Variants in C8B observed in about 807,000 individuals in gnomAD.
The protein encoded by C8B is complement C8 beta chain.
C8B carries 67 observed loss-of-function variants against 64.6 expected under a neutral mutation model. That is an observed-to-expected ratio of 1.04 (90% CI 0.85 to 1.27). The LOEUF (loss-of-function observed/expected upper bound fraction) is 1.27, where lower values mean the gene tolerates loss of function less well. C8B is among the 50% of genes most tolerant of loss of function. C8B has a pLI of 0.00. For missense variants in C8B, 790 were observed against 725.2 expected (o/e 1.09, Z -1.03); for synonymous variants, 284 against 257.7 (o/e 1.10, Z -0.98).
chr1:56,948,158 A>G lies in C8B; in HGVS notation c.864+1397T>C, dbSNP rs200242783. Among the ~76,000 whole-genome samples, 4 of 152,250 alleles carry G rather than the reference A, an allele frequency of 2.6e-5. No homozygotes were observed. The East Asian group carries it at 7.8e-4, about 30-fold the overall frequency. ...CTGGAAGGGAGAGAAGGAGAGAAGG[A>G]AATGGGGAGGGAGTAAGCAATAGGA... On this transcript the variant is annotated intron_variant, in intron 6 of 11. Coordinates refer to ENST00000371237, the MANE Select transcript of C8B (RefSeq NM_000066.4).
chr1:56,929,463 G>T lies in C8B; in HGVS notation c.1717C>A (p.Pro573Thr). The T allele has an allele frequency of 3.1e-6, 5 of 1,613,052 alleles. No individual in the cohort carries two copies. Among genetic ancestry groups the T allele is most frequent in the Non-Finnish European group, 3.4e-6 (4 of 1,179,932 alleles). ...TRQRQCNNPP[P>T]QNGGSPCSGP... Reference sequence around the variant, plus strand: ...GAACAGGGGCTACCCCCATTTTGAGGAGGTGGATTGTTACACTGCCTTTGT... The same window carrying T: ...GAACAGGGGCTACCCCCATTTTGAGTAGGTGGATTGTTACACTGCCTTTGT... Residue 573 changes from proline (P) to threonine (T), a missense_variant, in exon 12 of 12, where the codon CCT becomes ACT. By Grantham distance (38) the Pro-to-Thr change is conservative (BLOSUM62 -1). Coordinates refer to ENST00000371237, the MANE Select transcript of C8B (RefSeq NM_000066.4).
chr1:56,936,718 C>A (rs1393242550), intron 9 of C8B, among the ~76,000 whole-genome samples: 1 of 151,966 alleles, frequency 6.6e-6, no homozygotes, highest in African/African-American at 2.4e-5. Context: ...CCTCAGCCTC[C>A]CGAGTAGCTG....
Position 56,960,493 on chromosome 1 carries a change from G to A in C8B, c.93-317C>T, listed in dbSNP as rs191714465. ...CATATCTGTGAGAAACATGCCTCAC[G>A]CCCTAGCTCTATGGGACTTTATCCA... On this transcript the variant is annotated intron_variant, in intron 1 of 11. Coordinates refer to ENST00000371237, the MANE Select transcript of C8B (RefSeq NM_000066.4). Among the ~76,000 whole-genome samples, 5 of 152,294 alleles carry A rather than the reference G, an allele frequency of 3.3e-5. No homozygotes were observed. In the South Asian group the frequency reaches 1.0e-3, roughly 32 times the overall value.
chr1:56,937,564 C>T lies in C8B; in HGVS notation c.1398+3285G>A, dbSNP rs368802530. Among the ~76,000 whole-genome samples, 4 of 152,276 alleles carry T rather than the reference C, an allele frequency of 2.6e-5. No individual in the cohort carries two copies. The East Asian group carries it at 5.8e-4, about 22-fold the overall frequency. On this transcript the variant is annotated intron_variant, in intron 9 of 11. Transcript: ENST00000371237. ...GCATAGGACCCAGCCAACAACCTAG[C>T]TATCCTGACTAGCATAGAAATGTAC...
chr1:56,948,147 A>C (rs1644970301), intron 6 of C8B, among the ~76,000 whole-genome samples: 1 of 152,148 alleles, frequency 6.6e-6, no homozygotes, highest in African/African-American at 2.4e-5. Flanking sequence ...AAGGGAGAGA[A>C]GGAGAGAAGG....
At chr1:56,930,621 G>A (rs984195754) in intron 11 of C8B, among the ~76,000 whole-genome samples, 3 of 152,120 alleles carry the variant, frequency 2.0e-5, no homozygotes, top group African/African-American at 7.2e-5. Context: ...GGCTGTGGGG[G>A]CAGACCCCTG....
Position 56,949,560 on chromosome 1 carries a change from G to A in C8B, c.859C>T (p.His287Tyr). ...HYIRRTKRFS[H>Y]TKSVFLHARS... ...AGCAACAAAGACATACTTACAGTAT[G>A]AGAGAATCGTTTGGTTCTCCTAATA... Residue 287 changes from histidine to tyrosine, a missense_variant, in exon 6 of 12, where the codon CAT becomes TAT. His to Tyr is a moderately conservative substitution (Grantham distance 83). Transcript: ENST00000371237. 2.5e-6 allele frequency: 4 copies of A among 1,612,598 alleles called. No individual in the cohort carries two copies. The highest frequency in any genetic ancestry group is 1.7e-6 in the Non-Finnish European group (2 of 1,178,676).
chr1:56,957,058 C>T, intron 2 of C8B, 148 bp from the exon 3 acceptor site: 1 of 823,944 alleles, frequency 1.2e-6, no homozygotes, highest in South Asian at 1.5e-5. Flanking sequence ...GCCCCTTGTG[C>T]TCCCCCCATT....
intron 10 of C8B, among the ~76,000 whole-genome samples, 164 bp downstream of exon 10, chr1:56,933,171 G>GGTAA: frequency 6.6e-6 from 1 of 152,240 alleles, no homozygotes; most frequent in East Asian, 1.9e-4. Flanking sequence ...TGTCACCCAC[G>GGTAA]GTAACCCTTG....
chr1:56,940,601 T>C (rs1411736287), intron 9 of C8B, among the ~76,000 whole-genome samples: 1 of 151,970 alleles, frequency 6.6e-6, no homozygotes, highest in African/African-American at 2.4e-5. Flanking sequence ...AAGCTAGAAT[T>C]AGAAGCTGAT....
intron 11 of C8B, among the ~76,000 whole-genome samples, chr1:56,931,435 T>A (rs1050557176): frequency 6.6e-6 from 1 of 152,080 alleles, no homozygotes; most frequent in Admixed American, 6.6e-5. Context: ...AGGAATTAGC[T>A]CATTCTTTGG....
intron 11 of C8B, among the ~76,000 whole-genome samples, chr1:56,930,152 C>T (rs1265267037): frequency 9.2e-5 from 14 of 152,266 alleles, no homozygotes; most frequent in Admixed American, 9.2e-4. Context: ...CAGTTCCCAC[C>T]TATAGGATGC....
At chr1:56,959,949 A>G (rs1557743716) in intron 2 of C8B, 71 bp downstream of exon 2, 1 of 1,566,926 alleles carries the variant, frequency 6.4e-7, no homozygotes, top group Non-Finnish European at 8.8e-7. Flanking sequence ...ACTGTTAGCA[A>G]TGGCTCAGCC....
chr1:56,946,891 C>T (rs1025880619), intron 6 of C8B, among the ~76,000 whole-genome samples: 2 of 152,218 alleles, frequency 1.3e-5, no homozygotes, highest in Non-Finnish European at 2.9e-5. Flanking sequence ...CAAAGCCATG[C>T]CAGCTGTGCT....
At position 56,964,983 on chromosome 1, in the gene C8B, A is replaced by G. The variant is rs958594675; in HGVS notation, c.92+874T>C. The stretch of plus-strand genomic sequence containing the variant: ...TGAGTGGCCAATAGATAGTGAACGA[A>G]TGCTCATCATCCTGTGGTTCCTAAT... On this transcript the variant is annotated intron_variant, in intron 1 of 11. Transcript: ENST00000371237. Among the ~76,000 whole-genome samples the G allele has an allele frequency of 1.7e-4, 26 of 152,326 alleles. 1 individual carries two copies. The highest frequency in any genetic ancestry group is 5.3e-4 in the African/African-American group (22 of 41,582).
intron 9 of C8B, among the ~76,000 whole-genome samples, chr1:56,938,852 C>T (rs1358670522): frequency 6.6e-6 from 1 of 151,966 alleles, no homozygotes; most frequent in Non-Finnish European, 1.5e-5. Flanking sequence ...AAGAATTATT[C>T]TGACATAATG....
chr1:56,942,233 A>T (rs949452388), intron 8 of C8B, among the ~76,000 whole-genome samples: 1 of 144,942 alleles, frequency 6.9e-6, no homozygotes, highest in Non-Finnish European at 1.5e-5. Context: ...GTGAGATGAC[A>T]ATTGTGGGAA....
chr1:56,929,413 G>T lies in C8B; in HGVS notation c.1767C>A (p.Asp589Glu), dbSNP rs752783592. Residue 589 changes from aspartate (D) to glutamate (E), a missense_variant, in exon 12 of 12, where the codon GAC becomes GAA. Asp to Glu is a conservative substitution (Grantham distance 45). Coordinates refer to ENST00000371237, the MANE Select transcript of C8B (RefSeq NM_000066.4). The stretch of plus-strand genomic sequence containing the variant: ...ACTGCTGTATCATCTGCTAGGAGCA[G>T]TCAAGTGTTTCTGAAGCAGGGCCTG... ...PCSGPASETL[D>E]CS is the part of the protein sequence containing the mutation. 3.1e-6 allele frequency: 5 copies of T among 1,612,082 alleles called. No individual in the cohort carries two copies. In the African/African-American group the frequency reaches 6.7e-5, roughly 22 times the overall value.
At chr1:56,934,134 T>C (rs1470579914) in intron 9 of C8B, among the ~76,000 whole-genome samples, 1 of 114,688 alleles carries the variant, frequency 8.7e-6, no homozygotes, top group Non-Finnish European at 2.0e-5. Flanking sequence ...TTATAGTCAA[T>C]ACTGTCTTTT....
Sources: gnomAD v4.1 joint callset for allele counts (sites outside exome capture counted in the v4.1 genomes callset) on GRCh38, gnomAD v4.1.1 for gene constraint, MANE v1.5 for transcripts, NCBI Gene and HGNC (gene_info 2026-07-23, HGNC 2026-07-21) for gene names.